The following FSTL5 variants were observed in gnomAD, a reference collection of about 807,000 sequenced individuals.
FSTL5 encodes the protein follistatin like 5.
FSTL5 carries 62 observed loss-of-function variants against 89.1 expected under a neutral mutation model. That is an observed-to-expected ratio of 0.70 (90% CI 0.57 to 0.86). The LOEUF is 0.86. Among genes scored for constraint, FSTL5 ranks in the 40% least tolerant of loss-of-function variants. The pLI, the probability that FSTL5 is intolerant of heterozygous loss-of-function variation, is 0.00. For missense variants in FSTL5, 1,057 were observed against 1,001.6 expected (o/e 1.06, Z -0.75); for synonymous variants, 383 against 346.2 (o/e 1.11, Z -1.18).
chr4:161,998,971 C>A (rs181431309), intron 3 of FSTL5, among the ~76,000 whole-genome samples: 1 of 151,876 alleles, frequency 6.6e-6, no homozygotes, highest in Admixed American at 6.6e-5. Context: ...CAATGTGATG[C>A]TGGTTAGTTG....
intron 6 of FSTL5, among the ~76,000 whole-genome samples, chr4:161,703,945 T>C (rs1407050287): frequency 5.3e-5 from 8 of 152,082 alleles, no homozygotes; most frequent in Admixed American, 5.2e-4. Flanking sequence ...ATCCAACATA[T>C]AATTTTTAAG....
At chr4:161,567,807 C>CAT (rs5863465) in intron 8 of FSTL5, among the ~76,000 whole-genome samples, 131,412 of 151,744 alleles carry the variant, frequency 0.87, 57,363 homozygotes, top group Non-Finnish European at 0.9. Context: ...AGAATCTACA[C>CAT]GTCTTTGATT....
chr4:162,036,952 G>A (rs1050672535), intron 2 of FSTL5, among the ~76,000 whole-genome samples: 4 of 151,794 alleles, frequency 2.6e-5, no homozygotes, highest in African/African-American at 9.7e-5. Flanking sequence ...ATATGACTAG[G>A]AATAAAAAGC....
At chr4:161,936,308 T>G (rs1321459378) in intron 3 of FSTL5, among the ~76,000 whole-genome samples, 1 of 152,218 alleles carries the variant, frequency 6.6e-6, no homozygotes, top group Non-Finnish European at 1.5e-5. Flanking sequence ...TATATGCTAC[T>G]ATACATATGT....
intron 1 of FSTL5, among the ~76,000 whole-genome samples, chr4:162,156,523 A>C (rs1733480029): frequency 6.6e-6 from 1 of 152,172 alleles, no homozygotes; most frequent in African/African-American, 2.4e-5. Context: ...TTGGATGAAG[A>C]AAACGTGGTA....
intron 3 of FSTL5, among the ~76,000 whole-genome samples, chr4:161,957,378 TATGTC>T (rs1414147876): frequency 6.6e-6 from 1 of 152,148 alleles, no homozygotes; most frequent in Non-Finnish European, 1.5e-5. Flanking sequence ...ATTATATTCT[TATGTC>T]AGTCACAAAA....
chr4:161,920,881 C>T (rs1011306053), intron 3 of FSTL5, among the ~76,000 whole-genome samples: 13 of 152,064 alleles, frequency 8.5e-5, no homozygotes, highest in African/African-American at 3.1e-4. Flanking sequence ...GCTCTCTTCT[C>T]CCTCCCCAGA....
chr4:161,799,484 G>C (rs1729732179), intron 4 of FSTL5, among the ~76,000 whole-genome samples: 1 of 151,584 alleles, frequency 6.6e-6, no homozygotes, highest in African/African-American at 2.4e-5. Flanking sequence ...CTGTTTTGAT[G>C]CTAGAAGCAA....
At chr4:161,898,765 G>T (rs1226497850) in intron 4 of FSTL5, among the ~76,000 whole-genome samples, 1 of 151,716 alleles carries the variant, frequency 6.6e-6, no homozygotes, top group Non-Finnish European at 1.5e-5. Context: ...TAGTAGATGG[G>T]ACTACAGGCG....
At chr4:161,830,461 A>G (rs904988007) in intron 4 of FSTL5, among the ~76,000 whole-genome samples, 1 of 152,032 alleles carries the variant, frequency 6.6e-6, no homozygotes, top group East Asian at 1.9e-4. Context: ...TTGATTAAAA[A>G]TGAAATTATG....
At chr4:161,433,888 T>C (rs922325892) in intron 15 of FSTL5, among the ~76,000 whole-genome samples, 5 of 151,976 alleles carry the variant, frequency 3.3e-5, no homozygotes, top group Admixed American at 6.5e-5. Flanking sequence ...AAAGCACTGA[T>C]GAAAGAAATT....
chr4:161,461,460 C>CAA (rs58371125), intron 13 of FSTL5, among the ~76,000 whole-genome samples: 7 of 45,354 alleles, frequency 1.5e-4, no homozygotes, highest in African/African-American at 5.7e-4. Flanking sequence ...GACTCCGTCT[C>CAA]AAAAAAAAAA....
chr4:161,865,431 A>G (rs929258345), intron 4 of FSTL5, among the ~76,000 whole-genome samples: 7 of 152,196 alleles, frequency 4.6e-5, no homozygotes, highest in Non-Finnish European at 1.0e-4. Context: ...AAGTACATAT[A>G]AAAGTAAATA....
chr4:161,413,243 T>C (rs1433118284), intron 15 of FSTL5, among the ~76,000 whole-genome samples: 2 of 18,518 alleles, frequency 1.1e-4, no homozygotes, highest in Non-Finnish European at 1.0e-4. Flanking sequence ...AGGACATGAA[T>C]AGACACTTCT....
intron 6 of FSTL5, among the ~76,000 whole-genome samples, chr4:161,721,662 G>C (rs1164871922): frequency 6.6e-6 from 1 of 152,114 alleles, no homozygotes; most frequent in Non-Finnish European, 1.5e-5. Flanking sequence ...GTAATGCAAG[G>C]CATCCAGGGA....
In FSTL5 at chr4:161,705,977, T is replaced by TGG. The variant is rs1738562294; in HGVS notation, c.728-49484_728-49483insCC. ...GTATATATATATATATATATATATA[T>TGG]ATATATATATATATATATACACACA... On this transcript the variant is annotated intron_variant, in intron 6 of 15. Transcript: ENST00000306100. Among the ~76,000 whole-genome samples, 2 of 89,648 alleles carry TGG rather than the reference T, an allele frequency of 2.2e-5. 1 individual carries two copies. The highest frequency in any genetic ancestry group is 4.4e-5 in the Non-Finnish European group (2 of 45,852). 58.8% of individuals were successfully genotyped at this position (89,648 alleles called of 152,430 possible).
chr4:161,920,530 G>A lies in FSTL5; in HGVS notation c.283C>T (p.Arg95Cys), dbSNP rs1018900940. The A allele has an allele frequency of 1.1e-5, 17 of 1,613,860 alleles. No homozygotes were observed. In the African/African-American group the frequency reaches 1.1e-4, roughly 10 times the overall value. ...AECACMDLCK[R>C]HYKPVCGSDG... ...GATCCACACACAGGTTTGTAGTGAC[G>A]TTTGCAAAGGTCCATACAGGCACAT... is the stretch of plus-strand genomic sequence containing the variant. Residue 95 changes from arginine to cysteine, a missense_variant, in exon 4 of 16, where the codon CGT becomes TGT. Transcript: ENST00000306100.
At chr4:161,494,407 GAAGTAT>G (rs1302381381) in intron 12 of FSTL5, among the ~76,000 whole-genome samples, 4 of 152,172 alleles carry the variant, frequency 2.6e-5, no homozygotes, top group African/African-American at 4.8e-5. Context: ...CAAGTTTGCA[GAAGTAT>G]AAGTGGACTA....
At chr4:161,714,188 T>C (rs951770424) in intron 6 of FSTL5, among the ~76,000 whole-genome samples, 1 of 152,170 alleles carries the variant, frequency 6.6e-6, no homozygotes, top group Non-Finnish European at 1.5e-5. Flanking sequence ...GCTAGATGAC[T>C]CAGAGGACAT....
Sources: allele counts gnomAD v4.1 joint callset (sites outside exome capture counted in the v4.1 genomes callset), GRCh38; gene constraint gnomAD v4.1.1; transcripts MANE v1.5; gene names NCBI Gene and HGNC (gene_info 2026-07-23, HGNC 2026-07-21).